The following MYO5A variants were observed in gnomAD, a reference collection of about 807,000 sequenced individuals.
The protein encoded by MYO5A is myosin VA, also known as unconventional myosin-Va.
MYO5A carries 98 observed loss-of-function variants against 249.7 expected under a neutral mutation model. The observed-to-expected ratio is 0.39, with a 90% CI of 0.33 to 0.46. The LOEUF is 0.46. Among genes scored for constraint, MYO5A ranks in the 20% least tolerant of loss-of-function variants. The pLI, the probability that MYO5A is intolerant of heterozygous loss-of-function variation, is 0.98. For missense variants in MYO5A, 1,696 were observed against 2,308.8 expected, an observed-to-expected ratio of 0.73 and a Z score of 5.44; for synonymous variants, 778 against 810.6, an observed-to-expected ratio of 0.96 and a Z score of 0.68.
At chr15:52,456,495 C>T (rs2076121844) in intron 1 of MYO5A, among the ~76,000 whole-genome samples, 1 of 151,764 alleles carries the variant, frequency 6.6e-6, no homozygotes, top group Non-Finnish European at 1.5e-5. Flanking sequence ...CAGAAAAGAC[C>T]TCACATAGAC....
chr15:52,445,047 A>G (rs1286897321), intron 1 of MYO5A, among the ~76,000 whole-genome samples: 1 of 137,688 alleles, frequency 7.3e-6, no homozygotes, highest in African/African-American at 2.5e-5. Context: ...GGGAATCGAC[A>G]CTTCTAGGTC....
At chr15:52,442,811 A>G (rs1234584567) in intron 1 of MYO5A, among the ~76,000 whole-genome samples, 1 of 147,652 alleles carries the variant, frequency 6.8e-6, no homozygotes, top group African/African-American at 2.5e-5. Context: ...GCTGGAGTGC[A>G]GTGGCACGAT....
intron 34 of MYO5A, 105 bp from the exon 35 acceptor site, chr15:52,330,604 T>G: frequency 7.6e-7 from 1 of 1,315,270 alleles, no homozygotes; most frequent in South Asian, 1.3e-5. Context: ...AACCGAAACT[T>G]GCCATATTTG....
chr15:52,328,219 C>T (rs565852943), intron 35 of MYO5A, among the ~76,000 whole-genome samples: 7 of 152,254 alleles, frequency 4.6e-5, no homozygotes, highest in Non-Finnish European at 7.4e-5. Flanking sequence ...ATATCTCCTG[C>T]GCTGACTTTT....
chr15:52,375,592 A>C, intron 19 of MYO5A, 132 bp from the exon 20 acceptor site: 2 of 945,876 alleles, frequency 2.1e-6, no homozygotes, highest in Non-Finnish European at 3.2e-6. Context: ...AATAATGTGC[A>C]TGCTAAGTCA....
At chr15:52,318,555 TAA>T (rs2038139232) in intron 39 of MYO5A, among the ~76,000 whole-genome samples, 1 of 152,072 alleles carries the variant, frequency 6.6e-6, no homozygotes, top group Admixed American at 6.5e-5. Context: ...CAGCTTTTCT[TAA>T]AATATAGAGG....
At chr15:52,384,012 T>A in intron 15 of MYO5A, 149 bp downstream of exon 15, 1 of 900,090 alleles carries the variant, frequency 1.1e-6, no homozygotes, top group East Asian at 2.6e-5. Flanking sequence ...GGAGAAGAGT[T>A]TTAGTGGATG....
At chr15:52,526,756 C>G (rs1483030131) in intron 1 of MYO5A, among the ~76,000 whole-genome samples, 1 of 152,002 alleles carries the variant, frequency 6.6e-6, no homozygotes, top group African/African-American at 2.4e-5. Context: ...TGACAGAAGC[C>G]CAAAACTTTA....
intron 1 of MYO5A, among the ~76,000 whole-genome samples, chr15:52,505,008 G>A (rs1037587378): frequency 1.3e-5 from 2 of 152,092 alleles, no homozygotes; most frequent in Admixed American, 6.5e-5. Flanking sequence ...CAATAATGTC[G>A]TTAAGAACTC....
At chr15:52,387,980 T>TA in intron 13 of MYO5A, 68 bp from the exon 14 acceptor site, 1 of 1,128,490 alleles carries the variant, frequency 8.9e-7, no homozygotes, top group Non-Finnish European at 1.3e-6. Context: ...TCATCAATAA[T>TA]AAGAATCTTT....
At chr15:52,500,595 G>A (rs1595800475) in intron 1 of MYO5A, among the ~76,000 whole-genome samples, 2 of 152,006 alleles carry the variant, frequency 1.3e-5, no homozygotes, top group South Asian at 2.1e-4. Context: ...TGATCCGCCC[G>A]CCTCGGCCTC....
At chr15:52,359,194 C>T (rs73410715) in intron 25 of MYO5A, among the ~76,000 whole-genome samples, 13,565 of 152,180 alleles carry the variant, frequency 0.089, 1,872 homozygotes, top group African/African-American at 0.3. Flanking sequence ...AGGAAAGAAT[C>T]ACTCAATTTC....
intron 1 of MYO5A, among the ~76,000 whole-genome samples, chr15:52,440,767 C>G (rs142756882): frequency 3.9e-5 from 6 of 152,224 alleles, no homozygotes; most frequent in Non-Finnish European, 8.8e-5. Context: ...ACAGAGTAAA[C>G]TGACCAGCCC....
chr15:52,408,267 C>A, intron 6 of MYO5A, 127 bp from the exon 7 acceptor site: 1 of 642,136 alleles, frequency 1.6e-6, no homozygotes, highest in Non-Finnish European at 2.7e-6. Context: ...CCTATATTTC[C>A]TAATACTTAT....
intron 11 of MYO5A, 79 bp from the exon 12 acceptor site, chr15:52,392,149 T>C (rs2042266764): frequency 1.4e-6 from 2 of 1,410,820 alleles, no homozygotes; most frequent in South Asian, 2.4e-5. Flanking sequence ...CCAACATAAT[T>C]TGAGATAATC....
In MYO5A at chr15:52,372,068, T is replaced by C. The variant is rs1006947053; in HGVS notation, c.2817+56A>G. On this transcript the variant is annotated intron_variant, in intron 21 of 41. Coordinates refer to ENST00000399233, the MANE Select transcript of MYO5A (RefSeq NM_001382347.1). ...CAAAGAAAAACAATATTGAAAATAA[T>C]CCTGGTGGATTTCTTCAGGCATACT... is the stretch of plus-strand genomic sequence containing the variant. The C allele has an allele frequency of 6.0e-5, 97 of 1,611,144 alleles. No homozygotes were observed. In the African/African-American group the frequency reaches 1.1e-3, roughly 18 times the overall value.
chr15:52,389,407 T>C (rs768394418), intron 12 of MYO5A, 44 bp from the exon 13 acceptor site: 53 of 1,580,570 alleles, frequency 3.4e-5, no homozygotes, highest in Non-Finnish European at 4.5e-5. Context: ...AGGTAAATAC[T>C]GTGATTCCTC....
intron 9 of MYO5A, among the ~76,000 whole-genome samples, chr15:52,400,823 A>G (rs1329461074): frequency 1.3e-5 from 2 of 152,192 alleles, no homozygotes; most frequent in Non-Finnish European, 2.9e-5. Context: ...CTGTAATGAT[A>G]ACTATCTTTC....
At chr15:52,375,506 T>C in intron 19 of MYO5A, 46 bp from the exon 20 acceptor site, 1 of 1,601,624 alleles carries the variant, frequency 6.2e-7, no homozygotes, top group Non-Finnish European at 8.5e-7. Flanking sequence ...CAGAAAAAAA[T>C]GCAGGAATAC....
Sources: allele counts gnomAD v4.1 joint callset (sites outside exome capture counted in the v4.1 genomes callset), GRCh38; gene constraint gnomAD v4.1.1; transcripts MANE v1.5; gene names NCBI Gene and HGNC (gene_info 2026-07-23, HGNC 2026-07-21).